SLX4IP: variants seen among roughly 807,000 people sequenced by gnomAD.
The protein encoded by SLX4IP is protein SLX4IP.
SLX4IP carries 34 observed loss-of-function variants against 32.9 expected under a neutral mutation model. That is an observed-to-expected ratio of 1.03 (90% CI 0.79 to 1.38). SLX4IP has a LOEUF of 1.38. Ranked by LOEUF, SLX4IP falls within the 40% of genes most tolerant of loss-of-function variation. The probability of loss-of-function intolerance (pLI) is 0.00; values close to 1 mark genes in which losing one functional copy is unlikely to be tolerated. For missense variants in SLX4IP, 444 were observed against 479.0 expected (o/e 0.93, Z 0.68); for synonymous variants, 172 against 171.7 (o/e 1.00, Z -0.01).
chr20:10,551,195 AG>A (rs2057156205), intron 2 of SLX4IP, among the ~76,000 whole-genome samples: 1 of 152,232 alleles, frequency 6.6e-6, no homozygotes. Flanking sequence ...CTTAGGAAAG[AG>A]ATAGGAAAAA....
At chr20:10,580,440 T>C (rs984930462) in intron 4 of SLX4IP, among the ~76,000 whole-genome samples, 4 of 151,622 alleles carry the variant, frequency 2.6e-5, no homozygotes, top group Admixed American at 6.6e-5. Flanking sequence ...TTCCCATCCT[T>C]GAGGATCTCC....
chr20:10,508,801 C>A (rs767151382), intron 2 of SLX4IP, among the ~76,000 whole-genome samples: 2 of 152,112 alleles, frequency 1.3e-5, no homozygotes, highest in African/African-American at 4.8e-5. Context: ...GAGTTCCATC[C>A]GCTGGGGCCT....
At chr20:10,615,133 T>C (rs959273789) in intron 6 of SLX4IP, among the ~76,000 whole-genome samples, 19 of 152,174 alleles carry the variant, frequency 1.2e-4, no homozygotes, top group Admixed American at 1.2e-3. Context: ...CTGTTTCTCC[T>C]GGAGAGTTCA....
chr20:10,586,822 A>G (rs370585283), intron 4 of SLX4IP, among the ~76,000 whole-genome samples: 4 of 152,268 alleles, frequency 2.6e-5, no homozygotes, highest in South Asian at 4.1e-4. Context: ...AGAAAAATTC[A>G]TAGAAAAATA....
chr20:10,590,041 T>C (rs1054377291), intron 4 of SLX4IP, among the ~76,000 whole-genome samples: 1 of 152,128 alleles, frequency 6.6e-6, no homozygotes, highest in East Asian at 1.9e-4. Context: ...ACATAAAAAA[T>C]AACAGTTTCA....
At chr20:10,456,887 G>A (rs1029611288) in intron 1 of SLX4IP, among the ~76,000 whole-genome samples, 7 of 152,244 alleles carry the variant, frequency 4.6e-5, no homozygotes, top group South Asian at 4.1e-4. Context: ...TTCCACTTAA[G>A]TCTTTAATTT....
chr20:10,582,970 T>C (rs543393087), intron 4 of SLX4IP, among the ~76,000 whole-genome samples: 5 of 152,274 alleles, frequency 3.3e-5, no homozygotes, highest in African/African-American at 1.2e-4. Flanking sequence ...AATATTTTCA[T>C]GGTGGTGTTT....
chr20:10,542,165 T>C (rs1175098742), intron 2 of SLX4IP, among the ~76,000 whole-genome samples: 1 of 152,228 alleles, frequency 6.6e-6, no homozygotes, highest in Admixed American at 6.5e-5. Context: ...TGGCCTATGA[T>C]AACAGTGCAA....
chr20:10,556,398 T>C, intron 3 of SLX4IP, 78 bp downstream of exon 3: 1 of 1,387,432 alleles, frequency 7.2e-7, no homozygotes, highest in South Asian at 1.3e-5. Context: ...CCAGCTTTCA[T>C]TTCTGTTAGT....
chr20:10,572,197 A>G (rs2066474683), intron 4 of SLX4IP, among the ~76,000 whole-genome samples: 1 of 152,226 alleles, frequency 6.6e-6, no homozygotes. Flanking sequence ...TTGTGGTTCA[A>G]GTAACTTGCC....
intron 4 of SLX4IP, among the ~76,000 whole-genome samples, chr20:10,592,886 C>A (rs2066728231): frequency 6.6e-6 from 1 of 152,076 alleles, no homozygotes; most frequent in Non-Finnish European, 1.5e-5. Context: ...CCCACCTTGG[C>A]CTCCCAAAGT....
chr20:10,606,265 A>T (rs1366973985), intron 6 of SLX4IP, among the ~76,000 whole-genome samples: 1 of 152,212 alleles, frequency 6.6e-6, no homozygotes, highest in Admixed American at 6.5e-5. Context: ...TATAGGCCTT[A>T]TGTTTTTAGA....
intron 4 of SLX4IP, among the ~76,000 whole-genome samples, chr20:10,577,786 G>A (rs1161660986): frequency 6.6e-6 from 1 of 152,146 alleles, no homozygotes; most frequent in Non-Finnish European, 1.5e-5. Context: ...TGTAGGGCCA[G>A]GAAGCCTACT....
chr20:10,498,949 G>A (rs2065693363), intron 2 of SLX4IP, among the ~76,000 whole-genome samples: 1 of 151,856 alleles, frequency 6.6e-6, no homozygotes, highest in Non-Finnish European at 1.5e-5. Context: ...AAAGCATTTG[G>A]ACAATAAATT....
At position 10,623,667 on chromosome 20, in the gene SLX4IP, C is replaced by T; in HGVS notation, c.*288C>T. ...CCACCTTGTCAGGGAGGAGACTGTG[C>T]AAGGACTGCATGAAGAAACTGATCA... On this transcript the variant is annotated 3_prime_UTR_variant, in exon 8 of 8. Transcript: ENST00000334534. The T allele has an allele frequency of 2.4e-6, 1 of 420,676 alleles. No homozygotes were observed. The highest frequency in any genetic ancestry group is 4.2e-6 in the Non-Finnish European group (1 of 235,464). 26.1% of individuals were successfully genotyped at this position (420,676 alleles called of 1,614,324 possible).
intron 4 of SLX4IP, among the ~76,000 whole-genome samples, chr20:10,573,082 C>T (rs1450135488): frequency 6.6e-6 from 1 of 152,238 alleles, no homozygotes; most frequent in Non-Finnish European, 1.5e-5. Context: ...AAAGCTTTCT[C>T]CTTGCTCTTC....
chr20:10,442,541 T>C (rs2065167950), intron 1 of SLX4IP, among the ~76,000 whole-genome samples: 1 of 152,238 alleles, frequency 6.6e-6, no homozygotes, highest in Non-Finnish European at 1.5e-5. Context: ...TACTCTAACT[T>C]AGCATACTTA....
chr20:10,463,383 G>A (rs1464907668), intron 2 of SLX4IP, among the ~76,000 whole-genome samples: 1 of 152,162 alleles, frequency 6.6e-6, no homozygotes, highest in Non-Finnish European at 1.5e-5. Flanking sequence ...AGCTTCAGCG[G>A]AGAGCCTCAT....
intron 6 of SLX4IP, 88 bp downstream of exon 6, chr20:10,601,907 G>A (rs2066846610): frequency 1.7e-6 from 2 of 1,193,504 alleles, no homozygotes; most frequent in African/African-American, 1.5e-5. Flanking sequence ...GTCTGCTGTT[G>A]TCATTCAGCT....
Sources: allele counts gnomAD v4.1 joint callset (sites outside exome capture counted in the v4.1 genomes callset), GRCh38; gene constraint gnomAD v4.1.1; transcripts MANE v1.5; gene names NCBI Gene and HGNC (gene_info 2026-07-23, HGNC 2026-07-21).